Variants in MYO9B observed in about 807,000 individuals in gnomAD.
MYO9B encodes the protein unconventional myosin-IXb.
Under a neutral mutation model 229.5 loss-of-function variants are expected in MYO9B, and 71 were observed. The ratio of observed to expected loss-of-function variants is 0.31; its 90% CI spans 0.26 to 0.38. The LOEUF (loss-of-function observed/expected upper bound fraction) is 0.38, where lower values mean the gene tolerates loss of function less well. Ranked by LOEUF, MYO9B falls within the 10% of genes least tolerant of loss-of-function variation. The probability of loss-of-function intolerance (pLI) is 1.00; values close to 1 mark genes in which losing one functional copy is unlikely to be tolerated. For synonymous variants in MYO9B, 1,185 were observed against 1,235.8 expected (o/e 0.96, Z 0.86); for missense variants, 2,255 against 2,920.5 (o/e 0.77, Z 5.25).
Position 17,102,441 on chromosome 19 carries a change from G to T in MYO9B, c.724G>T (p.Gly242Cys). ...NQCIVISGES[G>C]SGKTQSTNFL... ...GTGCATCGTGATCTCGGGTGAGAGC[G>T]GCTCCGGCAAGACCCAGAGCACCAA... Residue 242 changes from glycine (G) to cysteine (C), a missense_variant, in exon 2 of 40, where the codon GGC becomes TGC. Gly to Cys is a radical substitution (Grantham distance 159). Coordinates refer to ENST00000682292, the MANE Select transcript of MYO9B (RefSeq NM_004145.4). 2 of 1,613,950 alleles carry T rather than the reference G, an allele frequency of 1.2e-6. No individual in the cohort carries two copies.
intron 30 of MYO9B, 87 bp downstream of exon 30, chr19:17,203,345 TG>T (rs1465819978): frequency 9.6e-7 from 1 of 1,039,958 alleles, no homozygotes; most frequent in East Asian, 2.7e-5. Context: ...CCAGGCGGGG[TG>T]GCTCACACCT....
chr19:17,209,772 G>T, intron 36 of MYO9B, 63 bp downstream of exon 36: 1 of 1,579,358 alleles, frequency 6.3e-7, no homozygotes, highest in South Asian at 1.1e-5. Flanking sequence ...TGCTGGGCAG[G>T]GCCTTGGGCG....
At chr19:17,111,557 A>G (rs12978739) in intron 2 of MYO9B, among the ~76,000 whole-genome samples, 113,027 of 152,002 alleles carry the variant, frequency 0.74, 42,614 homozygotes, top group African/African-American at 0.84. Flanking sequence ...CAAGCAGCTG[A>G]GAATACAGGT....
intron 16 of MYO9B, 114 bp from the exon 17 acceptor site, chr19:17,184,751 C>T (rs1373695907): frequency 1.5e-5 from 21 of 1,403,230 alleles, no homozygotes; most frequent in Middle Eastern, 1.9e-4. Flanking sequence ...AGCTGCTGCC[C>T]GGGCACTCGC....
At chr19:17,180,341 A>ATTTTTTT in intron 14 of MYO9B, among the ~76,000 whole-genome samples, 1 of 87,984 alleles carries the variant, frequency 1.1e-5, no homozygotes, top group Non-Finnish European at 2.1e-5. Flanking sequence ...GATGGAAATA[A>ATTTTTTT]TTTTTTTTTT....
At position 17,185,977 on chromosome 19, in the gene MYO9B, C is replaced by T. The variant is rs2072915058; in HGVS notation, c.2553C>T (p.Arg851=). 3 of 1,613,806 alleles carry T rather than the reference C, an allele frequency of 1.9e-6. No homozygotes were observed. The highest frequency in any genetic ancestry group is 1.7e-5 in the Admixed American group (1 of 60,000). The change falls in exon 18 of 40, where the codon CGC becomes CGT. Residue 851 remains arginine, a synonymous_variant. Coordinates refer to ENST00000682292, the MANE Select transcript of MYO9B (RefSeq NM_004145.4). ...GGAAGGCGGAGCCCTTCTTTATCCG[C>T]TGCATCCGTTCCAATGCTGAAAAGG... ...ALGKAEPFFI[R]CIRSNAEKKE...
intron 31 of MYO9B, 122 bp downstream of exon 31, chr19:17,205,458 G>A: frequency 1.1e-6 from 1 of 894,252 alleles, no homozygotes; most frequent in Non-Finnish European, 1.8e-6. Context: ...GGGCGGCTGT[G>A]GCCTCTGGTT....
At chr19:17,209,306 C>T (rs2073199139) in intron 35 of MYO9B, among the ~76,000 whole-genome samples, 1 of 152,236 alleles carries the variant, frequency 6.6e-6, no homozygotes, top group East Asian at 1.9e-4. Flanking sequence ...TACTTCTCTG[C>T]GAGGCAGGAT....
chr19:17,178,886 T>C (rs1310195471), intron 14 of MYO9B, among the ~76,000 whole-genome samples: 1 of 151,626 alleles, frequency 6.6e-6, no homozygotes, highest in Non-Finnish European at 1.5e-5. Context: ...ATACAAAAAT[T>C]AGCCAGGCGT....
intron 1 of MYO9B, among the ~76,000 whole-genome samples, chr19:17,099,963 C>CA (rs1163027628): frequency 2.1e-5 from 3 of 145,640 alleles, no homozygotes; most frequent in South Asian, 2.2e-4. Context: ...GCTAAAAATA[C>CA]AAAAAAAATT....
intron 10 of MYO9B, among the ~76,000 whole-genome samples, chr19:17,163,725 A>C (rs769988254): frequency 6.6e-6 from 1 of 152,136 alleles, no homozygotes; most frequent in Non-Finnish European, 1.5e-5. Flanking sequence ...GTGAAATTAG[A>C]CATTATTTGT....
chr19:17,096,061 C>T (rs751475348), intron 1 of MYO9B, among the ~76,000 whole-genome samples: 6 of 152,122 alleles, frequency 3.9e-5, no homozygotes, highest in South Asian at 2.1e-4. Context: ...CATAAGCCAC[C>T]GCACTGGCCT....
At chr19:17,166,571 G>A (rs1349087358) in intron 10 of MYO9B, among the ~76,000 whole-genome samples, 2 of 151,570 alleles carry the variant, frequency 1.3e-5, no homozygotes, top group African/African-American at 4.8e-5. Flanking sequence ...GTGTCATGGG[G>A]GTTTGTTGTA....
intron 16 of MYO9B, among the ~76,000 whole-genome samples, chr19:17,184,343 T>A (rs1486873858): frequency 6.6e-6 from 1 of 152,198 alleles, no homozygotes; most frequent in African/African-American, 2.4e-5. Flanking sequence ...CGTTTCCACA[T>A]ACAAGTGCAG....
chr19:17,172,667 A>C lies in MYO9B; in HGVS notation c.1936-92A>C, dbSNP rs1599390247. The C allele has an allele frequency of 6.6e-7, 1 of 1,519,738 alleles. No homozygotes were observed. Among genetic ancestry groups the C allele is most frequent in the Middle Eastern group, 1.7e-4 (1 of 5,820 alleles). The allele number at this position is 1,519,738 out of a possible 1,614,324, so 94.1% of individuals were successfully genotyped here. A position where few individuals can be genotyped will look rare whatever the true frequency, so the allele number is the denominator to read the frequency against. On this transcript the variant is annotated intron_variant, in intron 12 of 39. Transcript: ENST00000682292. The surrounding 1 kb of genome is among the most constrained non-coding windows in gnomAD (Gnocchi z 8.2). ...TTGCACTTAGGATGGGCCCCACCCC[A>C]CCGTCAGCCCTTCCTGCGCCAGCCC...
chr19:17,102,610 C>T (rs180849371), intron 2 of MYO9B, 53 bp downstream of exon 2: 77 of 1,483,662 alleles, frequency 5.2e-5, no homozygotes, highest in Admixed American at 3.8e-4. Flanking sequence ...TTGGAAAATG[C>T]GGGTTTCAGG....
At chr19:17,144,380 G>A (rs1036865072) in intron 2 of MYO9B, among the ~76,000 whole-genome samples, 4 of 151,510 alleles carry the variant, frequency 2.6e-5, no homozygotes, top group Non-Finnish European at 5.9e-5. Context: ...CGAGGCGGGT[G>A]GATCACTTAA....
chr19:17,129,254 T>G (rs116332987), intron 2 of MYO9B, among the ~76,000 whole-genome samples: 2,295 of 152,122 alleles, frequency 0.015, 63 homozygotes, highest in African/African-American at 0.05. Flanking sequence ...ACAATAAAAT[T>G]AGCTGGGCTT....
chr19:17,198,204 C>T lies in MYO9B; in HGVS notation c.4134C>T (p.Asp1378=), dbSNP rs374330950. Residue 1378 remains aspartate (D), a synonymous_variant, in exon 24 of 40, where the codon GAC becomes GAT. Coordinates refer to ENST00000682292, the MANE Select transcript of MYO9B (RefSeq NM_004145.4). ...TGCAGCCTGCAGCAGAAACCACGGA[C>T]GGAGAGCGAAGTGCGAAAAAGCCAG... The part of the protein sequence containing the change: ...AKAQPAAETT[D]GERSAKKPAV... 38 of 1,613,872 alleles carry T rather than the reference C, an allele frequency of 2.4e-5. No individual in the cohort carries two copies. The highest frequency in any genetic ancestry group is 1.7e-4 in the Middle Eastern group (1 of 6,060).
Sources: gnomAD v4.1 joint callset for allele counts (sites outside exome capture counted in the v4.1 genomes callset) on GRCh38, gnomAD v4.1.1 for gene constraint, Gnocchi (gnomAD v3.1) non-coding constraint, MANE v1.5 for transcripts, NCBI Gene and HGNC (gene_info 2026-07-23, HGNC 2026-07-21) for gene names.